FREM1: variants seen among roughly 807,000 people sequenced by gnomAD.
FREM1 encodes FRAS1 related extracellular matrix 1.
FREM1 carries 220 observed loss-of-function variants against 210.1 expected under a neutral mutation model. The ratio of observed to expected loss-of-function variants is 1.05; its 90% CI spans 0.94 to 1.17. The LOEUF (loss-of-function observed/expected upper bound fraction) is 1.17. Among genes scored for constraint, FREM1 ranks in the 50% most tolerant of loss-of-function variants. The pLI is 0.00. For synonymous variants in FREM1, 1,189 were observed against 980.2 expected (o/e 1.21, Z -3.98); for missense variants, 3,454 against 2,675.5 (o/e 1.29, Z -6.42).
At position 14,868,961 on chromosome 9, in the gene FREM1, CA is replaced by C. The variant is rs1208334345; in HGVS notation, c.16del (p.Trp6GlyfsTer27). MNSLS[W>X]GAANAVLLLL... ...CAGCAGCACGGCATTCGCAGCCCCC[CA>C]ACTCAGAGAGTTCATGCTGACAGGG... On this transcript the variant is annotated frameshift_variant, in exon 2 of 37. Coordinates refer to ENST00000380880, the MANE Select transcript of FREM1 (RefSeq NM_001379081.2). LOFTEE classifies it high-confidence loss of function. 6.3e-7 allele frequency: 1 copy of C among 1,582,992 alleles called. No homozygotes were observed. The highest frequency in any genetic ancestry group is 1.3e-5 in the African/African-American group (1 of 74,316).
intron 31 of FREM1, 40 bp from the exon 32 acceptor site, chr9:14,747,768 T>G (rs1273740914): frequency 2.2e-5 from 28 of 1,300,934 alleles, no homozygotes; most frequent in Non-Finnish European, 2.8e-5. Context: ...AGAATTGGAT[T>G]GACTAATAAC....
chr9:14,861,370 C>CATATATACACATAT (rs1564109046), intron 3 of FREM1, among the ~76,000 whole-genome samples: 1 of 85,918 alleles, frequency 1.2e-5, no homozygotes, highest in Non-Finnish European at 2.3e-5. Flanking sequence ...CATATATACA[C>CATATATACACATAT]GTATATACAT....
Position 14,859,287 on chromosome 9 carries a change from T to A in FREM1, c.527A>T (p.Asp176Val). Residue 176 changes from aspartate to valine, a missense_variant, in exon 4 of 37, where the codon GAC becomes GTC. By Grantham distance (152) the Asp-to-Val change is radical (BLOSUM62 -3). Transcript: ENST00000380880. Reference sequence around the variant, plus strand: ...GGCTGGCAGCCGAGTTCTCGCAGTGTCCAGGCTGACGGTACATTCCAGGCT... The same window carrying A: ...GGCTGGCAGCCGAGTTCTCGCAGTGACCAGGCTGACGGTACATTCCAGGCT... ...MASLECTVSL[D>V]TARTRLPAHG... is the part of the protein sequence containing the mutation. 6.2e-7 allele frequency: 1 copy of A among 1,613,862 alleles called. No homozygotes were observed. The highest frequency in any genetic ancestry group is 8.5e-7 in the Non-Finnish European group (1 of 1,179,840).
intron 3 of FREM1, among the ~76,000 whole-genome samples, chr9:14,861,062 C>CATATAT (rs1564105372): frequency 3.4e-4 from 23 of 67,120 alleles, no homozygotes; most frequent in South Asian, 4.1e-4. Flanking sequence ...TACATATATA[C>CATATAT]ACATATACAT....
intron 10 of FREM1, among the ~76,000 whole-genome samples, chr9:14,827,204 C>T (rs574618128): frequency 6.6e-6 from 1 of 152,170 alleles, no homozygotes; most frequent in Middle Eastern, 3.4e-3. Flanking sequence ...TTAGAGATTA[C>T]CTAAGTGGTC....
intron 15 of FREM1, among the ~76,000 whole-genome samples, chr9:14,816,270 T>C (rs1393557064): frequency 6.6e-6 from 1 of 152,212 alleles, no homozygotes; most frequent in Admixed American, 6.5e-5. Context: ...AGCATAGTAC[T>C]ACTACTTCAT....
chr9:14,869,753 G>C (rs972902804), intron 1 of FREM1, among the ~76,000 whole-genome samples: 1 of 152,210 alleles, frequency 6.6e-6, no homozygotes. Context: ...TTCTGACTTT[G>C]CTGGGCAATG....
chr9:14,746,280 T>G, intron 35 of FREM1, 73 bp downstream of exon 35: 1 of 1,105,930 alleles, frequency 9.0e-7, no homozygotes, highest in African/African-American at 1.5e-5. Flanking sequence ...ATGAAGCAGC[T>G]CTCCGCTTCC....
intron 13 of FREM1, among the ~76,000 whole-genome samples, chr9:14,821,407 T>C (rs997229739): frequency 2.6e-5 from 4 of 152,210 alleles, no homozygotes; most frequent in Non-Finnish European, 5.9e-5. Context: ...TCATTCTCCA[T>C]CAAGAGGCTT....
At chr9:14,852,677 G>C (rs541434368) in intron 5 of FREM1, among the ~76,000 whole-genome samples, 3 of 152,298 alleles carry the variant, frequency 2.0e-5, no homozygotes, top group Admixed American at 1.3e-4. Context: ...CTGGGCAAGA[G>C]AGTGAGACTT....
At chr9:14,841,364 T>C in intron 10 of FREM1, 83 bp downstream of exon 10, 1 of 1,165,394 alleles carries the variant, frequency 8.6e-7, no homozygotes, top group Non-Finnish European at 1.2e-6. Flanking sequence ...TGAAACCTAT[T>C]TTCATGTGGT....
chr9:14,890,526 T>C (rs1345877621), intron 1 of FREM1, among the ~76,000 whole-genome samples: 2 of 151,726 alleles, frequency 1.3e-5, no homozygotes, highest in Non-Finnish European at 3.0e-5. Context: ...TGCAAACTTA[T>C]GGAAAACGTT....
At chr9:14,819,886 A>G (rs745840528) in intron 13 of FREM1, among the ~76,000 whole-genome samples, 65 of 152,322 alleles carry the variant, frequency 4.3e-4, no homozygotes, top group Non-Finnish European at 9.3e-4. Context: ...TCATCCTAAA[A>G]ATTCTTAAAG....
At chr9:14,778,607 CA>C (rs1169611171) in intron 24 of FREM1, among the ~76,000 whole-genome samples, 667 of 31,238 alleles carry the variant, frequency 0.021, 17 homozygotes, top group African/African-American at 0.066. Flanking sequence ...GAACCTGTCT[CA>C]AAAAAAAAAA....
chr9:14,759,685 T>C, intron 28 of FREM1, 87 bp downstream of exon 28: 1 of 1,287,146 alleles, frequency 7.8e-7, no homozygotes, highest in South Asian at 1.8e-5. Context: ...CCTTGGTCAC[T>C]CTGAATTTTT....
At chr9:14,889,192 A>T (rs777195578) in intron 1 of FREM1, among the ~76,000 whole-genome samples, 84 of 152,148 alleles carry the variant, frequency 5.5e-4, no homozygotes, top group Non-Finnish European at 1.8e-4. Context: ...TGATTTCCAG[A>T]TGTGGAATTG....
Position 14,910,102 on chromosome 9 carries a change from C to G in FREM1, c.-456G>C, listed in dbSNP as rs1335215400. On this transcript the variant is annotated 5_prime_UTR_variant, in exon 1 of 37. It removes the in-frame stop codon of an upstream open reading frame in the 5' UTR. Coordinates refer to ENST00000380880, the MANE Select transcript of FREM1 (RefSeq NM_001379081.2). ...CAGCTGTGTTTGAGATTTCTTTTTA[C>G]TAAAAATCCATTAACCCACCTCACA... is the stretch of plus-strand genomic sequence containing the variant. The G allele has an allele frequency of 6.6e-6, 1 of 152,204 alleles. No homozygotes were observed. The highest frequency in any genetic ancestry group is 1.5e-5 in the Non-Finnish European group (1 of 68,034). 9.4% of individuals were successfully genotyped at this position (152,204 alleles called of 1,614,324 possible).
In FREM1 at chr9:14,910,011, T is replaced by A. The variant is rs1818459559; in HGVS notation, c.-365A>T. 1 of 152,122 alleles carries A rather than the reference T, an allele frequency of 6.6e-6. No homozygotes were observed. The allele number at this position is 152,122 out of a possible 1,614,324, so 9.4% of individuals were successfully genotyped here. On this transcript the variant is annotated 5_prime_UTR_variant, in exon 1 of 37. Transcript: ENST00000380880. ...ACACAGCAATCTGGTTTAAAGGGCTTTGAGAGGAAGGGGGAGGAAAAAGAA... is the reference window on the plus strand; with the variant it reads ...ACACAGCAATCTGGTTTAAAGGGCTATGAGAGGAAGGGGGAGGAAAAAGAA...
intron 1 of FREM1, among the ~76,000 whole-genome samples, chr9:14,869,874 C>T (rs377195765): frequency 2.1e-4 from 32 of 152,320 alleles, no homozygotes; most frequent in African/African-American, 7.5e-4. Flanking sequence ...GGTGACATAG[C>T]TTCAGCACGC....
Sources: gnomAD v4.1 joint callset for allele counts (sites outside exome capture counted in the v4.1 genomes callset) on GRCh38, gnomAD v4.1.1 for gene constraint, MANE v1.5 for transcripts, NCBI Gene and HGNC (gene_info 2026-07-23, HGNC 2026-07-21) for gene names.